DMD: variants seen among roughly 807,000 people sequenced by gnomAD.
The protein encoded by DMD is dystrophin.
In DMD, 63 loss-of-function variants were observed where a neutral mutation model predicts 330.1. That is an observed-to-expected ratio of 0.19 (90% CI 0.16 to 0.24). DMD has a LOEUF of 0.24. Among genes scored for constraint, DMD ranks in the 10% least tolerant of loss-of-function variants. DMD has a pLI of 1.00. For synonymous variants in DMD, 1,223 were observed against 959.8 expected (o/e 1.27, Z -5.07); for missense variants, 3,344 against 2,684.1 (o/e 1.25, Z -5.43).
chrX:31,810,993 G>A (rs748923878), intron 50 of DMD, among the ~76,000 whole-genome samples: 13 of 111,570 alleles, frequency 1.2e-4, no homozygotes, highest in African/African-American at 2.3e-4. Flanking sequence ...GCAGGACATA[G>A]GTAATCAAAA....
chrX:33,122,748 G>C (rs2148493628), intron 1 of DMD, among the ~76,000 whole-genome samples: 1 of 111,976 alleles, frequency 8.9e-6, no homozygotes, highest in African/African-American at 3.2e-5. Context: ...GACAAATTTA[G>C]AGCTGCTTGA....
chrX:32,389,848 G>A (rs1273576972), intron 31 of DMD, among the ~76,000 whole-genome samples, 174 bp from the exon 32 acceptor site: 1 of 111,630 alleles, frequency 9.0e-6, no homozygotes, highest in East Asian at 2.8e-4. Context: ...TTGGGAGAAT[G>A]ATTCAGTAGT....
chrX:31,885,615 A>G (rs2094141933), intron 47 of DMD, among the ~76,000 whole-genome samples: 2 of 85,369 alleles, frequency 2.3e-5, no homozygotes, highest in African/African-American at 8.7e-5. Context: ...GTCTCACAAA[A>G]AAAAAAAAAA....
chrX:33,008,207 AC>A (rs1005030826), intron 2 of DMD, among the ~76,000 whole-genome samples: 13 of 111,526 alleles, frequency 1.2e-4, no homozygotes, highest in African/African-American at 3.3e-4. Flanking sequence ...AAATTAGGAT[AC>A]AAATAAGCAA....
intron 43 of DMD, among the ~76,000 whole-genome samples, chrX:32,269,983 C>A (rs1448496361): frequency 8.9e-6 from 1 of 112,237 alleles, no homozygotes; most frequent in African/African-American, 3.2e-5. Flanking sequence ...TTATTTACCA[C>A]AGCTAGACAG....
At chrX:32,067,233 A>T (rs1293202054) in intron 44 of DMD, among the ~76,000 whole-genome samples, 1 of 111,966 alleles carries the variant, frequency 8.9e-6, no homozygotes, top group Non-Finnish European at 1.9e-5. Context: ...CTGTGATCAA[A>T]GCAGAATAGG....
intron 1 of DMD, among the ~76,000 whole-genome samples, chrX:33,196,782 A>G (rs376396821): frequency 1.8e-5 from 2 of 111,402 alleles, no homozygotes; most frequent in South Asian, 7.6e-4. Context: ...AGTAGTAGAC[A>G]TGCTCAGCTC....
At chrX:31,522,347 C>CTCTCTCTCTCTCTT (rs1328262307) in intron 55 of DMD, among the ~76,000 whole-genome samples, 3 of 66,681 alleles carry the variant, frequency 4.5e-5, no homozygotes, top group Non-Finnish European at 7.6e-5. Context: ...CTCTCTCTCT[C>CTCTCTCTCTCTCTT]TCTCTCTCTC....
chrX:31,393,349 C>T (rs11095210), intron 60 of DMD, among the ~76,000 whole-genome samples: 35,526 of 107,501 alleles, frequency 0.33, 4,886 homozygotes, highest in Non-Finnish European at 0.42. Context: ...TGGTGGCGGA[C>T]GCCTGTAGTC....
At chrX:31,540,181 A>G (rs918080612) in intron 55 of DMD, among the ~76,000 whole-genome samples, 6 of 112,488 alleles carry the variant, frequency 5.3e-5, no homozygotes, top group Non-Finnish European at 1.1e-4. Context: ...ACACAGAGTA[A>G]TAACCATTTG....
chrX:31,396,069 A>T (rs1348531704), intron 60 of DMD, among the ~76,000 whole-genome samples: 2 of 111,566 alleles, frequency 1.8e-5, no homozygotes, highest in Non-Finnish European at 3.8e-5. Context: ...AAACTGGAGA[A>T]CATTGCATCC....
intron 51 of DMD, among the ~76,000 whole-genome samples, chrX:31,764,194 C>T (rs2089834993): frequency 9.0e-6 from 1 of 111,693 alleles, no homozygotes; most frequent in Non-Finnish European, 1.9e-5. Flanking sequence ...ATTTAGAAAA[C>T]AATTGTACTG....
chrX:31,503,927 G>C (rs2070678511), intron 56 of DMD, among the ~76,000 whole-genome samples: 1 of 111,262 alleles, frequency 9.0e-6, no homozygotes, highest in Admixed American at 9.6e-5. Context: ...TTGGCAGAGA[G>C]AGAAGGTTCT....
intron 1 of DMD, among the ~76,000 whole-genome samples, chrX:33,335,697 A>C (rs2054242319): frequency 9.0e-6 from 1 of 110,949 alleles, no homozygotes; most frequent in African/African-American, 3.3e-5. Flanking sequence ...AAGTAGGTTC[A>C]AGAACAGAGA....
chrX:31,523,318 C>T (rs1184119886), intron 55 of DMD, among the ~76,000 whole-genome samples: 3 of 110,804 alleles, frequency 2.7e-5, no homozygotes, highest in South Asian at 4.0e-4. Context: ...TATTACTTCA[C>T]GGGCTTCTGC....
At chrX:31,850,042 C>T (rs915926467) in intron 48 of DMD, among the ~76,000 whole-genome samples, 2 of 110,770 alleles carry the variant, frequency 1.8e-5, no homozygotes, top group African/African-American at 3.3e-5. Context: ...TCTCTCCCTC[C>T]GCCCAACCTC....
intron 62 of DMD, among the ~76,000 whole-genome samples, chrX:31,282,014 T>TG (rs1277686827): frequency 8.9e-6 from 1 of 111,979 alleles, no homozygotes; most frequent in Admixed American, 9.5e-5. Flanking sequence ...CAGCAGTGGA[T>TG]GGGTTAAGAA....
intron 19 of DMD, among the ~76,000 whole-genome samples, chrX:32,495,956 C>G (rs1337628718): frequency 8.9e-6 from 1 of 111,760 alleles, no homozygotes; most frequent in East Asian, 2.8e-4. Flanking sequence ...GATAATGGAT[C>G]ATAATCCATT....
intron 7 of DMD, among the ~76,000 whole-genome samples, chrX:32,754,562 G>A (rs977075492): frequency 9.3e-6 from 1 of 107,767 alleles, no homozygotes; most frequent in African/African-American, 3.4e-5. Flanking sequence ...AAAAAAATAG[G>A]TGCCACAGTA....
Sources: gnomAD v4.1 joint callset for allele counts (sites outside exome capture counted in the v4.1 genomes callset) on GRCh38, gnomAD v4.1.1 for gene constraint, MANE v1.5 for transcripts, NCBI Gene and HGNC (gene_info 2026-07-23, HGNC 2026-07-21) for gene names.